Variants in GRM5 observed in about 807,000 individuals in gnomAD.
The protein encoded by GRM5 is glutamate metabotropic receptor 5.
GRM5 carries 19 observed loss-of-function variants against 83.1 expected under a neutral mutation model. The observed-to-expected ratio is 0.23, with a 90% confidence interval of 0.16 to 0.34. GRM5 has a LOEUF of 0.34. GRM5 is among the 10% of genes least tolerant of loss of function. The probability of loss-of-function intolerance (pLI) is 1.00; values close to 1 mark genes in which losing one functional copy is unlikely to be tolerated. For missense variants in GRM5, 1,160 were observed against 1,588.3 expected, an observed-to-expected ratio of 0.73 and a Z score of 4.58; for synonymous variants, 675 against 633.6, an observed-to-expected ratio of 1.07 and a Z score of -0.98.
At position 88,507,210 on chromosome 11, in the gene GRM5, C is replaced by A. The variant is rs1941202701; in HGVS notation, c.*1382G>T. 1.3e-5 allele frequency: 2 copies of A among 152,088 alleles called. No homozygotes were observed. The highest frequency in any genetic ancestry group is 4.1e-4 in the South Asian group (2 of 4,828). 9.4% of individuals were successfully genotyped at this position (152,088 alleles called of 1,614,324 possible). ...AGTGACAGTATGAAGTGCACAAAAT[C>A]ATATTAATCATTATTTTAAAAAAGA... On this transcript the variant is annotated 3_prime_UTR_variant, in exon 10 of 10. Transcript: ENST00000305447.
intron 3 of GRM5, among the ~76,000 whole-genome samples, chr11:88,783,412 G>A (rs147953408): frequency 6.6e-6 from 1 of 151,970 alleles, no homozygotes; most frequent in Non-Finnish European, 1.5e-5. Context: ...ATACAAGATG[G>A]CTATTTAAAA....
intron 2 of GRM5, among the ~76,000 whole-genome samples, chr11:88,951,228 C>A (rs1174257434): frequency 6.6e-6 from 1 of 152,182 alleles, no homozygotes; most frequent in African/African-American, 2.4e-5. Flanking sequence ...TTTTCAGAAT[C>A]AACTCCATTT....
chr11:88,806,930 T>G (rs1943508561), intron 3 of GRM5, among the ~76,000 whole-genome samples: 1 of 152,208 alleles, frequency 6.6e-6, no homozygotes, highest in South Asian at 2.1e-4. Context: ...AAAGAGAACT[T>G]CAAGACAATG....
At chr11:88,885,273 C>A (rs1355656572) in intron 2 of GRM5, among the ~76,000 whole-genome samples, 1 of 151,700 alleles carries the variant, frequency 6.6e-6, no homozygotes, top group Non-Finnish European at 1.5e-5. Context: ...AAGATTAAAT[C>A]CTCTGAAGCA....
intron 8 of GRM5, among the ~76,000 whole-genome samples, chr11:88,532,323 G>T (rs1221858526): frequency 6.6e-6 from 1 of 152,086 alleles, no homozygotes; most frequent in African/African-American, 2.4e-5. Flanking sequence ...TATGGTATGA[G>T]CAGAGAAAAA....
At chr11:88,769,655 A>T (rs79540045) in intron 3 of GRM5, among the ~76,000 whole-genome samples, 3,832 of 152,150 alleles carry the variant, frequency 0.025, 168 homozygotes, top group African/African-American at 0.088. Flanking sequence ...GAATCAACTG[A>T]AAGAACTCCT....
At chr11:88,783,746 T>C (rs1241458898) in intron 3 of GRM5, among the ~76,000 whole-genome samples, 1 of 152,088 alleles carries the variant, frequency 6.6e-6, no homozygotes, top group African/African-American at 2.4e-5. Context: ...AGGGCACTTC[T>C]GTGTCTTACT....
intron 4 of GRM5, among the ~76,000 whole-genome samples, chr11:88,636,515 G>C (rs534085053): frequency 1.9e-4 from 28 of 148,548 alleles, no homozygotes; most frequent in African/African-American, 6.8e-4. Context: ...GACAGAGCGA[G>C]ACTGTCTCAA....
At chr11:89,034,558 C>T (rs1941339396) in intron 2 of GRM5, among the ~76,000 whole-genome samples, 1 of 151,782 alleles carries the variant, frequency 6.6e-6, no homozygotes, top group Admixed American at 6.6e-5. Context: ...GCAAGTGCTT[C>T]CAGTTCACTT....
chr11:88,542,175 A>T (rs1020506991), intron 8 of GRM5, among the ~76,000 whole-genome samples: 1 of 152,198 alleles, frequency 6.6e-6, no homozygotes, highest in Non-Finnish European at 1.5e-5. Flanking sequence ...GATATGTACT[A>T]TTATTATCCC....
intron 2 of GRM5, among the ~76,000 whole-genome samples, chr11:88,889,835 T>A (rs921691627): frequency 1.3e-5 from 2 of 152,078 alleles, no homozygotes; most frequent in African/African-American, 4.8e-5. Flanking sequence ...ACAGACCCCA[T>A]TGTGGGGAAA....
intron 2 of GRM5, among the ~76,000 whole-genome samples, chr11:89,028,167 A>T (rs1350354705): frequency 6.6e-6 from 1 of 152,206 alleles, no homozygotes; most frequent in Admixed American, 6.5e-5. Flanking sequence ...GTAGTCTGGT[A>T]TGGCAGCACA....
rs540095249 is a variant in GRM5 at position 88,990,157 on chromosome 11, C to T, written c.661+57055G>A. 1.8e-4 allele frequency among the ~76,000 whole-genome samples: 26 copies of T among 145,648 alleles called. No individual in the cohort carries two copies. The East Asian group carries it at 4.6e-3, about 26-fold the overall frequency. On this transcript the variant is annotated intron_variant, in intron 2 of 9. Coordinates refer to ENST00000305447, the MANE Select transcript of GRM5 (RefSeq NM_001143831.3). ...AAAAGAGAGAAGAATCAAATAGATG[C>T]AATAAAAAATGATAAAGGGGATATC...
chr11:88,604,682 G>A, intron 5 of GRM5, 36 bp downstream of exon 5: 1 of 1,546,226 alleles, frequency 6.5e-7, no homozygotes, highest in Non-Finnish European at 8.9e-7. Context: ...CTGTTATTCA[G>A]TCTCTACTCT....
At chr11:88,852,344 A>T (rs1025333352) in intron 2 of GRM5, among the ~76,000 whole-genome samples, 2 of 152,162 alleles carry the variant, frequency 1.3e-5, no homozygotes, top group African/African-American at 2.4e-5. Context: ...TTCTGAAGTA[A>T]CACTGCTTAA....
At chr11:88,618,416 T>A (rs1938541869) in intron 4 of GRM5, among the ~76,000 whole-genome samples, 1 of 152,164 alleles carries the variant, frequency 6.6e-6, no homozygotes, top group East Asian at 1.9e-4. Context: ...ATTCACTGAG[T>A]TATATTCAAT....
chr11:88,826,946 C>A (rs115380468), intron 3 of GRM5, among the ~76,000 whole-genome samples: 2 of 152,076 alleles, frequency 1.3e-5, no homozygotes, highest in Non-Finnish European at 2.9e-5. Context: ...CTTGAGATGT[C>A]ATATTAAATG....
At chr11:88,894,940 C>CCCAGCCT (rs1203750368) in intron 2 of GRM5, among the ~76,000 whole-genome samples, 3 of 151,916 alleles carry the variant, frequency 2.0e-5, no homozygotes, top group African/African-American at 7.2e-5. Flanking sequence ...TCTTGGACTT[C>CCCAGCCT]CCAGCCTCCA....
chr11:88,650,466 T>G (rs1194081987), intron 4 of GRM5, among the ~76,000 whole-genome samples: 3 of 151,890 alleles, frequency 2.0e-5, no homozygotes, highest in African/African-American at 7.2e-5. Flanking sequence ...AAATACATCA[T>G]GAAAAAGCCA....
Sources: gnomAD v4.1 joint callset for allele counts (sites outside exome capture counted in the v4.1 genomes callset) on GRCh38, gnomAD v4.1.1 for gene constraint, MANE v1.5 for transcripts, NCBI Gene and HGNC (gene_info 2026-07-23, HGNC 2026-07-21) for gene names.